The following LMBRD1 variants were observed in gnomAD, a reference collection of about 807,000 sequenced individuals.
LMBRD1 encodes the protein lysosomal cobalamin transport escort protein LMBD1.
In LMBRD1, 64 loss-of-function variants were observed where a neutral mutation model predicts 74.8. The ratio of observed to expected loss-of-function variants is 0.86; its 90% CI spans 0.70 to 1.05. The LOEUF is 1.05. Among genes scored for constraint, LMBRD1 ranks in the 50% least tolerant of loss-of-function variants. The pLI is 0.00. For synonymous variants in LMBRD1, 204 were observed against 216.3 expected (o/e 0.94, Z 0.50); for missense variants, 652 against 645.9 (o/e 1.01, Z -0.10).
In LMBRD1 at chr6:69,796,832, A is replaced by G. The variant is rs767881243; in HGVS notation, c.50T>C (p.Ile17Thr). Reference protein sequence around the residue: ...ASAELVIGWCIFGLLLLAILA... With the variant: ...ASAELVIGWCTFGLLLLAILA... ...CCCTACCAGTAGTAAGAGGCCGAAT[A>G]TGCACCAGCCGATCACCAGCTCCGC... Residue 17 changes from isoleucine (I) to threonine (T), a missense_variant, in exon 1 of 16, where the codon ATA becomes ACA. Physicochemically the swap from Ile to Thr is moderately conservative, Grantham distance 89 (BLOSUM62 -1). Coordinates refer to ENST00000649934, the MANE Select transcript of LMBRD1 (RefSeq NM_018368.4). The G allele has an allele frequency of 6.2e-7, 1 of 1,613,596 alleles. No homozygotes were observed. Among genetic ancestry groups the G allele is most frequent in the Non-Finnish European group, 8.5e-7 (1 of 1,179,858 alleles).
chr6:69,719,334 C>T (rs906827102), intron 7 of LMBRD1, among the ~76,000 whole-genome samples: 1 of 151,794 alleles, frequency 6.6e-6, no homozygotes, highest in Non-Finnish European at 1.5e-5. Context: ...ATTTACTGTA[C>T]AATACTTTAT....
rs1432370512 is a variant in LMBRD1 at position 69,738,020 on chromosome 6, G to A, written c.563-5C>T. On this transcript the variant is annotated splice_polypyrimidine_tract_variant and splice_region_variant and intron_variant, in intron 6 of 15. Coordinates refer to ENST00000649934, the MANE Select transcript of LMBRD1 (RefSeq NM_018368.4). Reference sequence around the variant, plus strand: ...ATGACAATGCAGCTAAACCATCTGTGAAGAAAGAAAAACTGTTAAAAATGT... The same window carrying A: ...ATGACAATGCAGCTAAACCATCTGTAAAGAAAGAAAAACTGTTAAAAATGT... 5.0e-6 allele frequency: 8 copies of A among 1,602,506 alleles called. No individual in the cohort carries two copies. The highest frequency in any genetic ancestry group is 1.3e-5 in the African/African-American group (1 of 74,484).
At chr6:69,733,712 A>C (rs1422955903) in intron 7 of LMBRD1, among the ~76,000 whole-genome samples, 1 of 152,124 alleles carries the variant, frequency 6.6e-6, no homozygotes, top group Non-Finnish European at 1.5e-5. Flanking sequence ...TGCTATTCGA[A>C]TGATATTATC....
intron 14 of LMBRD1, among the ~76,000 whole-genome samples, chr6:69,682,020 G>C (rs1765673979): frequency 6.6e-6 from 1 of 151,840 alleles, no homozygotes; most frequent in Non-Finnish European, 1.5e-5. Context: ...GAAGAAAAAA[G>C]TTGGGATCTG....
chr6:69,789,407 T>C (rs1377570547), intron 2 of LMBRD1, among the ~76,000 whole-genome samples: 4 of 151,910 alleles, frequency 2.6e-5, no homozygotes, highest in African/African-American at 7.3e-5. Flanking sequence ...CATGTCTGTA[T>C]TCCTAGCTAC....
intron 1 of LMBRD1, among the ~76,000 whole-genome samples, chr6:69,793,199 C>A (rs986016803): frequency 6.6e-6 from 1 of 152,104 alleles, no homozygotes; most frequent in Non-Finnish European, 1.5e-5. Flanking sequence ...TTCAAATAGT[C>A]CCCCCAGCTT....
At chr6:69,684,985 CAA>C (rs1765733310) in intron 14 of LMBRD1, among the ~76,000 whole-genome samples, 3 of 151,882 alleles carry the variant, frequency 2.0e-5, no homozygotes, top group Admixed American at 1.3e-4. Context: ...TTAAGGGAGA[CAA>C]AGATATATTT....
intron 9 of LMBRD1, among the ~76,000 whole-genome samples, chr6:69,708,184 A>G (rs1182463123): frequency 2.0e-5 from 3 of 152,176 alleles, no homozygotes; most frequent in Non-Finnish European, 4.4e-5. Flanking sequence ...GTATTTAATG[A>G]ACATCAGACT....
intron 6 of LMBRD1, among the ~76,000 whole-genome samples, chr6:69,739,923 T>C (rs866707592): frequency 5.1e-4 from 78 of 152,296 alleles, no homozygotes; most frequent in African/African-American, 1.8e-3. Context: ...CTGGCCAATA[T>C]GTTGAAACTC....
At chr6:69,713,559 C>T in intron 9 of LMBRD1, 86 bp downstream of exon 9, 1 of 1,345,056 alleles carries the variant, frequency 7.4e-7, no homozygotes, top group Admixed American at 1.8e-5. Context: ...TGCTGTAATG[C>T]CTCAAAAGGA....
chr6:69,709,296 C>A (rs570455677), intron 9 of LMBRD1, among the ~76,000 whole-genome samples: 9 of 151,348 alleles, frequency 5.9e-5, no homozygotes, highest in Non-Finnish European at 1.2e-4. Flanking sequence ...TGAATTACAC[C>A]AATTGTAGAC....
chr6:69,733,722 C>A (rs1034539405), intron 7 of LMBRD1, among the ~76,000 whole-genome samples: 1 of 152,160 alleles, frequency 6.6e-6, no homozygotes, highest in Non-Finnish European at 1.5e-5. Flanking sequence ...ATGATATTAT[C>A]TCTCTATCCA....
intron 1 of LMBRD1, among the ~76,000 whole-genome samples, chr6:69,796,558 G>T (rs1252253994): frequency 6.6e-6 from 1 of 152,020 alleles, no homozygotes; most frequent in East Asian, 1.9e-4. Flanking sequence ...CAGCGATGAC[G>T]GCAAGAGCTT....
intron 7 of LMBRD1, among the ~76,000 whole-genome samples, chr6:69,720,191 GAGA>G (rs1036527513): frequency 4.0e-5 from 6 of 151,512 alleles, no homozygotes; most frequent in African/African-American, 7.3e-5. Context: ...TTAATTAAGG[GAGA>G]AGAACAAAAA....
intron 7 of LMBRD1, among the ~76,000 whole-genome samples, chr6:69,724,749 C>T (rs975543238): frequency 6.6e-6 from 1 of 151,684 alleles, no homozygotes; most frequent in East Asian, 2.0e-4. Flanking sequence ...TATGTGAGGT[C>T]CACAGCTAGT....
At chr6:69,740,103 CTCAATCAATCAA>C (rs35451541) in intron 6 of LMBRD1, among the ~76,000 whole-genome samples, 3 of 151,456 alleles carry the variant, frequency 2.0e-5, no homozygotes, top group African/African-American at 4.9e-5. Context: ...AAGACTCCGT[CTCAATCAATCAA>C]TCAATCAATC....
intron 14 of LMBRD1, among the ~76,000 whole-genome samples, chr6:69,689,349 C>T (rs1433335302): frequency 6.6e-6 from 1 of 152,074 alleles, no homozygotes; most frequent in African/African-American, 2.4e-5. Flanking sequence ...CATTAAAAAA[C>T]CTCACTCATC....
In LMBRD1 at chr6:69,701,458, CA is replaced by C; in HGVS notation, c.1067del (p.Leu356CysfsTer15). Reference sequence around the variant, plus strand: ...TTTTACTTACTGTTTGTAGTAAAGGCAAAAGCATATTCAGTGGATTACTCAG... The same window carrying C: ...TTTTACTTACTGTTTGTAGTAAAGGCAAAGCATATTCAGTGGATTACTCAG... ...ANLSNPLNML[L>X]PLLQTVFPLD... On this transcript the variant is annotated frameshift_variant, in exon 11 of 16. Transcript: ENST00000649934. LOFTEE classifies it high-confidence loss of function. 1.9e-6 allele frequency: 3 copies of C among 1,594,464 alleles called. No homozygotes were observed. The highest frequency in any genetic ancestry group is 2.6e-6 in the Non-Finnish European group (3 of 1,163,788).
chr6:69,713,284 A>G (rs1037692010), intron 9 of LMBRD1, among the ~76,000 whole-genome samples: 2 of 152,142 alleles, frequency 1.3e-5, no homozygotes, highest in African/African-American at 2.4e-5. Context: ...AAAATAGACT[A>G]AACACTTAAC....
Sources: gnomAD v4.1 joint callset for allele counts (sites outside exome capture counted in the v4.1 genomes callset) on GRCh38, gnomAD v4.1.1 for gene constraint, MANE v1.5 for transcripts, NCBI Gene and HGNC (gene_info 2026-07-23, HGNC 2026-07-21) for gene names.